The following CDH19 variants were observed in gnomAD, a reference collection of about 807,000 sequenced individuals.
CDH19 encodes cadherin 19.
CDH19 carries 67 observed loss-of-function variants against 64.2 expected under a neutral mutation model. The observed-to-expected ratio is 1.04, with a 90% CI of 0.86 to 1.28. The LOEUF (loss-of-function observed/expected upper bound fraction) is 1.28. CDH19 is among the 50% of genes most tolerant of loss of function. The probability of loss-of-function intolerance (pLI) is 0.00; values close to 1 mark genes in which losing one functional copy is unlikely to be tolerated. For synonymous variants in CDH19, 346 were observed against 319.3 expected, an observed-to-expected ratio of 1.08 and a Z score of -0.89; for missense variants, 1,030 against 929.0, an observed-to-expected ratio of 1.11 and a Z score of -1.41.
intron 1 of CDH19, among the ~76,000 whole-genome samples, chr18:66,597,168 A>G (rs1988921100): frequency 6.7e-6 from 1 of 148,302 alleles, no homozygotes; most frequent in East Asian, 2.0e-4. Flanking sequence ...AAGTTAAAAA[A>G]AAAAAAAAAA....
At chr18:66,570,735 G>C (rs1988074791) in intron 2 of CDH19, among the ~76,000 whole-genome samples, 2 of 151,592 alleles carry the variant, frequency 1.3e-5, no homozygotes, top group African/African-American at 4.8e-5. Context: ...TGAAAAAATA[G>C]GCAAAACCAA....
Position 66,579,137 on chromosome 18 carries a change from C to T in CDH19, c.-112-6821G>A, listed in dbSNP as rs1223539422. 2.6e-5 allele frequency among the ~76,000 whole-genome samples: 4 copies of T among 151,856 alleles called. No individual in the cohort carries two copies. The South Asian group carries it at 8.3e-4, about 32-fold the overall frequency. On this transcript the variant is annotated intron_variant, in intron 1 of 11. Transcript: ENST00000262150. ...ACTTGAGTATATGCAGATTATTGTG[C>T]CAATTATACTTCATTAATGTTGTTA...
At chr18:66,535,657 A>G (rs1462764877) in intron 7 of CDH19, among the ~76,000 whole-genome samples, 2 of 147,012 alleles carry the variant, frequency 1.4e-5, no homozygotes, top group Non-Finnish European at 3.0e-5. Context: ...TACATTATAT[A>G]TGATATATAT....
intron 1 of CDH19, among the ~76,000 whole-genome samples, chr18:66,598,582 A>G (rs1407148651): frequency 1.3e-5 from 2 of 152,168 alleles, no homozygotes; most frequent in Non-Finnish European, 2.9e-5. Flanking sequence ...TAATGCAAGA[A>G]CAGAAAATCA....
At chr18:66,575,508 G>A (rs1463792117) in intron 1 of CDH19, among the ~76,000 whole-genome samples, 1 of 151,870 alleles carries the variant, frequency 6.6e-6, no homozygotes, top group African/African-American at 2.4e-5. Context: ...CAAATCTGGT[G>A]TGACAAGGGA....
intron 11 of CDH19, among the ~76,000 whole-genome samples, chr18:66,505,926 C>T (rs1985178181): frequency 6.6e-6 from 1 of 151,866 alleles, no homozygotes. Flanking sequence ...AACTGAAGCA[C>T]ACAGATGTTA....
chr18:66,595,036 AG>A (rs1282327195), intron 1 of CDH19, among the ~76,000 whole-genome samples: 3 of 151,412 alleles, frequency 2.0e-5, no homozygotes, highest in Non-Finnish European at 2.9e-5. Context: ...TAAAAAAAAA[AG>A]AAAATCACTC....
At chr18:66,555,628 AC>A in intron 3 of CDH19, among the ~76,000 whole-genome samples, 1 of 151,796 alleles carries the variant, frequency 6.6e-6, no homozygotes, top group South Asian at 2.1e-4. Context: ...AATCAGGAAA[AC>A]TTTTTGCCTC....
chr18:66,524,627 T>C (rs1246837242), intron 9 of CDH19, among the ~76,000 whole-genome samples: 1 of 149,964 alleles, frequency 6.7e-6, no homozygotes, highest in African/African-American at 2.4e-5. Context: ...AAAAATATTT[T>C]TAAAAATAAA....
chr18:66,525,406 C>T (rs1289516085), intron 9 of CDH19, among the ~76,000 whole-genome samples: 2 of 151,996 alleles, frequency 1.3e-5, no homozygotes, highest in African/African-American at 2.4e-5. Flanking sequence ...TAATATTTCA[C>T]TTCTAGGAAG....
intron 1 of CDH19, among the ~76,000 whole-genome samples, chr18:66,588,176 T>G (rs1357177708): frequency 2.6e-5 from 4 of 152,042 alleles, no homozygotes; most frequent in Admixed American, 2.0e-4. Flanking sequence ...GTTGTTCATC[T>G]ACAAGGCCCC....
chr18:66,551,129 G>T lies in CDH19; in HGVS notation c.740C>A (p.Ser247Ter). 9.3e-6 allele frequency: 15 copies of T among 1,605,252 alleles called. No individual in the cohort carries two copies. Among genetic ancestry groups the T allele is most frequent in the Non-Finnish European group, 1.3e-5 (15 of 1,172,928 alleles). ...SGTTSVLIKL[S>*]DVNDNKPIFK... ...TATAGGCTTATTGTCATTAACATCT[G>T]AAAGTTTAATTAATACACTTGTTGT... Residue 247 changes from serine (S) to a stop codon, truncating the protein, a stop_gained, in exon 5 of 12, where the codon TCA becomes TAA. Transcript: ENST00000262150. LOFTEE classifies it high-confidence loss of function.
At chr18:66,523,770 G>T (rs576958829) in intron 9 of CDH19, among the ~76,000 whole-genome samples, 1 of 152,140 alleles carries the variant, frequency 6.6e-6, no homozygotes, top group Non-Finnish European at 1.5e-5. Flanking sequence ...TGACCATGCA[G>T]TATGACAAAG....
At chr18:66,562,122 G>A (rs1017145778) in intron 3 of CDH19, among the ~76,000 whole-genome samples, 3 of 151,820 alleles carry the variant, frequency 2.0e-5, no homozygotes, top group African/African-American at 7.3e-5. Flanking sequence ...TTTTTCCATG[G>A]TCAGGGTGGG....
intron 4 of CDH19, among the ~76,000 whole-genome samples, chr18:66,552,313 A>G (rs1021836612): frequency 6.6e-6 from 1 of 152,100 alleles, no homozygotes; most frequent in Non-Finnish European, 1.5e-5. Context: ...AATGTGAACT[A>G]TCTCCATAGT....
chr18:66,514,329 A>T (rs1378140483), intron 9 of CDH19, among the ~76,000 whole-genome samples: 1 of 151,596 alleles, frequency 6.6e-6, no homozygotes, highest in Admixed American at 6.6e-5. Flanking sequence ...TATGTCTCAT[A>T]AAAGTTAGTG....
intron 11 of CDH19, among the ~76,000 whole-genome samples, chr18:66,507,660 T>C (rs1214289910): frequency 6.6e-6 from 1 of 151,900 alleles, no homozygotes; most frequent in Admixed American, 6.6e-5. Flanking sequence ...CAAAAACTAA[T>C]AGCGCTCTTT....
intron 3 of CDH19, among the ~76,000 whole-genome samples, chr18:66,557,002 T>G (rs1987543698): frequency 6.6e-6 from 1 of 151,852 alleles, no homozygotes; most frequent in African/African-American, 2.4e-5. Flanking sequence ...GAAAACAATA[T>G]GGAGGTTCCT....
chr18:66,507,016 G>T (rs1229732333), intron 11 of CDH19, among the ~76,000 whole-genome samples: 1 of 151,808 alleles, frequency 6.6e-6, no homozygotes, highest in Non-Finnish European at 1.5e-5. Flanking sequence ...AATCACTATT[G>T]TAATAGTTGA....
Sources: allele counts gnomAD v4.1 joint callset (sites outside exome capture counted in the v4.1 genomes callset), GRCh38; gene constraint gnomAD v4.1.1; transcripts MANE v1.5; gene names NCBI Gene and HGNC (gene_info 2026-07-23, HGNC 2026-07-21).